The following AKR1B1 variants were observed in gnomAD, a reference collection of about 807,000 sequenced individuals.
AKR1B1 encodes aldo-keto reductase family 1 member B1.
In AKR1B1, 22 loss-of-function variants were observed where a neutral mutation model predicts 40.4. That is an observed-to-expected ratio of 0.54 (90% CI 0.39 to 0.78). The LOEUF is 0.78. Ranked by LOEUF, AKR1B1 falls within the 30% of genes least tolerant of loss-of-function variation. The pLI is 0.00. For missense variants in AKR1B1, 357 were observed against 396.7 expected (o/e 0.90, Z 0.85); for synonymous variants, 157 against 149.9 (o/e 1.05, Z -0.35).
chr7:134,447,475 G>T, intron 7 of AKR1B1, 94 bp from the exon 8 acceptor site: 1 of 1,088,746 alleles, frequency 9.2e-7, no homozygotes, highest in African/African-American at 1.5e-5. Flanking sequence ...AGAAGGACGT[G>T]CTAGAACTCC....
chr7:134,446,748 G>T (rs1007954108), intron 8 of AKR1B1, among the ~76,000 whole-genome samples: 2 of 152,234 alleles, frequency 1.3e-5, no homozygotes, highest in Admixed American at 1.3e-4. Flanking sequence ...TGCAGAGCTG[G>T]TGAATGGACT....
chr7:134,451,912 C>T, intron 1 of AKR1B1, 159 bp from the exon 2 acceptor site: 2 of 764,358 alleles, frequency 2.6e-6, no homozygotes, highest in South Asian at 3.0e-5. Flanking sequence ...CTATCAGCCT[C>T]AGACGCGGGG....
In AKR1B1 at chr7:134,459,083, C is replaced by T; in HGVS notation, c.-21G>A. The stretch of plus-strand genomic sequence containing the variant: ...GCCATGGCTGCTGCGCTCCCCAGAC[C>T]CCCGCCCAGTACGGTGCGGCCTTGG... On this transcript the variant is annotated 5_prime_UTR_variant, in exon 1 of 10. Transcript: ENST00000285930. 6.3e-7 allele frequency: 1 copy of T among 1,596,026 alleles called. No individual in the cohort carries two copies. Among genetic ancestry groups the T allele is most frequent in the Non-Finnish European group, 8.5e-7 (1 of 1,172,210 alleles).
In AKR1B1 at chr7:134,445,258, C is replaced by G. The variant is rs201721722; in HGVS notation, c.888G>C (p.Trp296Cys). Reference protein sequence around the residue: ...MTTLLSYNRNWRVCALLSCTS... With the variant: ...MTTLLSYNRNCRVCALLSCTS... The stretch of plus-strand genomic sequence containing the variant: ...CTCACCTCAACAAGGCACAGACCCT[C>G]CAGTTCCTGTTGTAGCTGAGTAAGG... Residue 296 changes from tryptophan to cysteine, a missense_variant, in exon 9 of 10, where the codon TGG becomes TGC. By Grantham distance (215) the Trp-to-Cys change is radical. Coordinates refer to ENST00000285930, the MANE Select transcript of AKR1B1 (RefSeq NM_001628.4). The G allele has an allele frequency of 5.5e-5, 89 of 1,612,338 alleles. No individual in the cohort carries two copies. Among genetic ancestry groups the G allele is most frequent in the Non-Finnish European group, 7.5e-5 (88 of 1,179,716 alleles).
intron 1 of AKR1B1, among the ~76,000 whole-genome samples, chr7:134,457,891 C>G (rs1327410356): frequency 1.3e-5 from 2 of 151,924 alleles, no homozygotes; most frequent in Non-Finnish European, 2.9e-5. Flanking sequence ...TCCCAGCTAC[C>G]CGCAGTGCTG....
intron 1 of AKR1B1, 155 bp from the exon 2 acceptor site, chr7:134,451,908 G>A (rs755837637): frequency 2.0e-5 from 16 of 781,158 alleles, no homozygotes; most frequent in Admixed American, 8.1e-5. Context: ...TGGACTATCA[G>A]CCTCAGACGC....
chr7:134,450,543 C>T (rs1367022249), intron 3 of AKR1B1, among the ~76,000 whole-genome samples: 1 of 152,170 alleles, frequency 6.6e-6, no homozygotes, highest in East Asian at 1.9e-4. Context: ...AGCAGTGCTC[C>T]TCAAACTTTG....
At chr7:134,451,564 C>T (rs749448861) in intron 2 of AKR1B1, 22 bp downstream of exon 2, 13 of 1,612,900 alleles carry the variant, frequency 8.1e-6, no homozygotes, top group East Asian at 4.5e-5. Flanking sequence ...GAGCCCCTTC[C>T]AGCCCCACCG....
chr7:134,454,918 A>G (rs1018702419), intron 1 of AKR1B1, among the ~76,000 whole-genome samples: 4 of 152,236 alleles, frequency 2.6e-5, no homozygotes, highest in Non-Finnish European at 5.9e-5. Context: ...TGAGATGTGC[A>G]TGGACCAGGA....
In AKR1B1 at chr7:134,448,985, G is replaced by C; in HGVS notation, c.552+12C>G. On this transcript the variant is annotated intron_variant, in intron 5 of 9. Transcript: ENST00000285930. ...CAACGTTGCAATGCCAGTGTCGTTGGGGGATGTTTACCTGGTTAACTGCAG... is the reference window on the plus strand; with the variant it reads ...CAACGTTGCAATGCCAGTGTCGTTGCGGGATGTTTACCTGGTTAACTGCAG... The C allele has an allele frequency of 1.2e-6, 2 of 1,613,996 alleles. No homozygotes were observed. The highest frequency in any genetic ancestry group is 1.7e-6 in the Non-Finnish European group (2 of 1,179,954).
chr7:134,455,353 T>G (rs1281595262), intron 1 of AKR1B1, among the ~76,000 whole-genome samples: 2 of 152,142 alleles, frequency 1.3e-5, no homozygotes, highest in Admixed American at 1.3e-4. Flanking sequence ...ACAAGGCTCC[T>G]AGGTGGGAGG....
intron 1 of AKR1B1, among the ~76,000 whole-genome samples, chr7:134,457,128 CCT>C (rs1030759879): frequency 1.5e-4 from 22 of 142,526 alleles, no homozygotes; most frequent in African/African-American, 2.0e-4. Flanking sequence ...ACACTGAGCC[CCT>C]GTCTCAAAAA....
intron 1 of AKR1B1, among the ~76,000 whole-genome samples, chr7:134,455,293 T>C (rs1033614151): frequency 2.6e-5 from 4 of 152,008 alleles, no homozygotes; most frequent in Non-Finnish European, 4.4e-5. Flanking sequence ...CAATATTATC[T>C]CTGATATTAC....
intron 1 of AKR1B1, among the ~76,000 whole-genome samples, chr7:134,458,521 T>G (rs1022859430): frequency 6.6e-6 from 1 of 152,148 alleles, no homozygotes; most frequent in Non-Finnish European, 1.5e-5. Context: ...TATTTACAAG[T>G]GAGGCAACCG....
At chr7:134,448,517 G>A (rs1158448564) in intron 5 of AKR1B1, 24 bp from the exon 6 acceptor site, 2 of 1,570,304 alleles carry the variant, frequency 1.3e-6, no homozygotes, top group Non-Finnish European at 1.8e-6. Context: ...AACAAGAGCT[G>A]ATGGGAGCAC....
intron 5 of AKR1B1, among the ~76,000 whole-genome samples, 170 bp from the exon 6 acceptor site, chr7:134,448,663 C>A (rs1187562556): frequency 6.6e-6 from 1 of 152,164 alleles, no homozygotes; most frequent in East Asian, 1.9e-4. Context: ...CAGGTAGTAT[C>A]CTTGGTGTTA....
intron 1 of AKR1B1, among the ~76,000 whole-genome samples, chr7:134,458,727 C>T (rs1189295278): frequency 6.6e-6 from 1 of 152,150 alleles, no homozygotes; most frequent in Non-Finnish European, 1.5e-5. Flanking sequence ...AAGGGTTGCC[C>T]GCGGTAGGGC....
chr7:134,450,760 C>A (rs1806259245), intron 3 of AKR1B1, 26 bp downstream of exon 3: 2 of 1,589,292 alleles, frequency 1.3e-6, no homozygotes, highest in African/African-American at 1.3e-5. Context: ...CCCCAAGGGA[C>A]CTGGTCTGCA....
Position 134,447,334 on chromosome 7 carries a change from C to A in AKR1B1, c.789G>T (p.Lys263Asn). 1 of 1,614,180 alleles carries A rather than the reference C, an allele frequency of 6.2e-7. No individual in the cohort carries two copies. Among genetic ancestry groups the A allele is most frequent in the Non-Finnish European group, 8.5e-7 (1 of 1,180,028 alleles). The stretch of plus-strand genomic sequence containing the variant: ...CAGCAATGCGTTCTGGTGTCACAGA[C>A]TTGGGGATCACCACCAAGTTCCTCT... ...PMQRNLVVIP[K>N]SVTPERIAEN... The change falls in exon 8 of 10, where the codon AAG becomes AAT. Residue 263 changes from lysine to asparagine, a missense_variant. Coordinates refer to ENST00000285930, the MANE Select transcript of AKR1B1 (RefSeq NM_001628.4).
Sources: gnomAD v4.1 joint callset for allele counts (sites outside exome capture counted in the v4.1 genomes callset) on GRCh38, gnomAD v4.1.1 for gene constraint, MANE v1.5 for transcripts, NCBI Gene and HGNC (gene_info 2026-07-23, HGNC 2026-07-21) for gene names.